Variants in REEP1 observed in about 807,000 individuals in gnomAD.
The protein encoded by REEP1 is receptor expression-enhancing protein 1.
In REEP1, 22 loss-of-function variants were observed where a neutral mutation model predicts 40.3. That is an observed-to-expected ratio of 0.55 (90% confidence interval 0.39 to 0.78). REEP1 has a LOEUF of 0.78. Ranked by LOEUF, REEP1 falls within the 30% of genes least tolerant of loss-of-function variation. The probability of loss-of-function intolerance (pLI) is 0.00; values close to 1 mark genes in which losing one functional copy is unlikely to be tolerated. For missense variants in REEP1, 280 were observed against 361.1 expected, an observed-to-expected ratio of 0.78 and a Z score of 1.82; for synonymous variants, 116 against 139.2, an observed-to-expected ratio of 0.83 and a Z score of 1.17.
At chr2:86,301,980 G>C (rs563186570) in intron 1 of REEP1, among the ~76,000 whole-genome samples, 1 of 152,342 alleles carries the variant, frequency 6.6e-6, no homozygotes, top group South Asian at 2.1e-4. Context: ...AGCAACAAAT[G>C]CTTCATCCAC....
intron 1 of REEP1, among the ~76,000 whole-genome samples, chr2:86,324,005 C>G (rs1680391804): frequency 1.3e-5 from 2 of 152,020 alleles, no homozygotes; most frequent in Non-Finnish European, 2.9e-5. Context: ...TGCTTCACAT[C>G]ATATATAAAA....
At chr2:86,308,664 G>A (rs1231901748) in intron 1 of REEP1, among the ~76,000 whole-genome samples, 2 of 152,226 alleles carry the variant, frequency 1.3e-5, no homozygotes, top group African/African-American at 4.8e-5. Context: ...CTGGTCTGAA[G>A]AGCTGGAGTG....
chr2:86,273,140 CAAAA>C (rs35100792), intron 2 of REEP1, among the ~76,000 whole-genome samples: 4 of 144,728 alleles, frequency 2.8e-5, no homozygotes, highest in Non-Finnish European at 6.0e-5. Context: ...GACCCTGTCT[CAAAA>C]AAAAAAAAAA....
intron 1 of REEP1, among the ~76,000 whole-genome samples, chr2:86,300,988 A>G (rs947000190): frequency 1.3e-5 from 2 of 152,226 alleles, no homozygotes; most frequent in Admixed American, 1.3e-4. Flanking sequence ...CCAAAAGGTG[A>G]GGATCCAATT....
chr2:86,268,260 A>G (rs1011379561), intron 2 of REEP1, among the ~76,000 whole-genome samples: 7 of 152,194 alleles, frequency 4.6e-5, no homozygotes, highest in African/African-American at 1.7e-4. Flanking sequence ...GAACTCACCA[A>G]AAAAATCCTC....
intron 1 of REEP1, among the ~76,000 whole-genome samples, chr2:86,316,956 T>G (rs368696749): frequency 6.6e-6 from 1 of 152,174 alleles, no homozygotes; most frequent in Non-Finnish European, 1.5e-5. Context: ...AGTAAAAAAT[T>G]CTGGATTCAA....
intron 5 of REEP1, chr2:86,240,056 G>GA (rs1215365624): frequency 2.0e-5 from 3 of 152,590 alleles, no homozygotes; most frequent in Non-Finnish European, 2.9e-5. Flanking sequence ...AAGATAAAAT[G>GA]AAAGAGTCGA....
rs891457337 is a variant in REEP1, at chr2:86,214,010, G to A, written c.*3029C>T. ...CAAAGATGTTTTTTAAAAGAAAAAT[G>A]TTAAGACTTTATTCAAGATGTGTAT... On this transcript the variant is annotated 3_prime_UTR_variant, in exon 9 of 9. Transcript: ENST00000538924. The A allele has an allele frequency of 2.8e-5, 7 of 252,968 alleles. No individual in the cohort carries two copies. The highest frequency in any genetic ancestry group is 5.4e-5 in the Non-Finnish European group (7 of 130,622). The allele number at this position is 252,968 out of a possible 1,614,324, so 15.7% of individuals were successfully genotyped here.
intron 2 of REEP1, among the ~76,000 whole-genome samples, 163 bp downstream of exon 2, chr2:86,282,007 A>G (rs369352138): frequency 2.6e-5 from 4 of 152,314 alleles, no homozygotes; most frequent in African/African-American, 7.2e-5. Flanking sequence ...GGGAAGGTCT[A>G]GACAGAAAAG....
At chr2:86,274,083 A>G (rs915497030) in intron 2 of REEP1, among the ~76,000 whole-genome samples, 3 of 152,246 alleles carry the variant, frequency 2.0e-5, no homozygotes, top group Non-Finnish European at 4.4e-5. Flanking sequence ...CTTTTTGAGA[A>G]GAAAAGACAG....
rs147172462 is a variant in REEP1 at position 86,303,872 on chromosome 2, G to A, written c.33-21630C>T. Among the ~76,000 whole-genome samples the A allele has an allele frequency of 5.7e-3, 869 of 152,254 alleles. 7 individuals carry two copies. The highest frequency in any genetic ancestry group is 9.3e-3 in the Non-Finnish European group (632 of 68,024). ...TGGCTCAGTGCAGCTGGGTCAGGCA[G>A]AAGCTAGGCTGAGGGGAGGAATCAC... On this transcript the variant is annotated intron_variant, in intron 1 of 8. Coordinates refer to ENST00000538924, the MANE Select transcript of REEP1 (RefSeq NM_001371279.1).
At chr2:86,312,126 C>A (rs1042739227) in intron 1 of REEP1, among the ~76,000 whole-genome samples, 2 of 152,140 alleles carry the variant, frequency 1.3e-5, no homozygotes, top group African/African-American at 2.4e-5. Context: ...TCCTGACAAA[C>A]CCTCACCAGC....
At chr2:86,282,070 G>C (rs776553338) in intron 2 of REEP1, 100 bp downstream of exon 2, 210 of 818,146 alleles carry the variant, frequency 2.6e-4, no homozygotes, top group Non-Finnish European at 4.2e-4. Flanking sequence ...CCTTTTCCCT[G>C]CTTCCAGTGC....
At chr2:86,248,688 A>C (rs1676101389) in intron 5 of REEP1, among the ~76,000 whole-genome samples, 1 of 152,072 alleles carries the variant, frequency 6.6e-6, no homozygotes, top group Non-Finnish European at 1.5e-5. Context: ...GAGCTCAAGC[A>C]GTTCTCCCAC....
chr2:86,317,446 C>T (rs1299144262), intron 1 of REEP1, among the ~76,000 whole-genome samples: 2 of 152,166 alleles, frequency 1.3e-5, no homozygotes, highest in Admixed American at 1.3e-4. Flanking sequence ...TCTCAAGAAC[C>T]TTTCAGGGGA....
At chr2:86,329,568 CA>C (rs1180670316) in intron 1 of REEP1, among the ~76,000 whole-genome samples, 1 of 152,164 alleles carries the variant, frequency 6.6e-6, no homozygotes, top group African/African-American at 2.4e-5. Context: ...GGTCCACAGA[CA>C]ATAATGAAAA....
chr2:86,337,665 C>T (rs1423904523), upstream of REEP1: 3 of 1,017,888 alleles, frequency 2.9e-6, no homozygotes, highest in African/African-American at 1.7e-5. This position sits in a 1 kb window ranked among gnomAD's most constrained non-coding sequence, Gnocchi z 5.8. Flanking sequence ...CGCGCGTTGG[C>T]GCAGCCGCGG....
chr2:86,223,723 C>T (rs1289688350), intron 7 of REEP1: 32 of 144,034 alleles, frequency 2.2e-4, no homozygotes, highest in Non-Finnish European at 4.8e-4. Context: ...AGAGGCCACA[C>T]TCAAAATGCA....
At chr2:86,281,882 A>C (rs1288794520) in intron 2 of REEP1, among the ~76,000 whole-genome samples, 1 of 152,212 alleles carries the variant, frequency 6.6e-6, no homozygotes, top group Non-Finnish European at 1.5e-5. Flanking sequence ...CAAGGCTGAG[A>C]GAGGTGAAGT....
Sources: gnomAD v4.1 joint callset for allele counts (sites outside exome capture counted in the v4.1 genomes callset) on GRCh38, gnomAD v4.1.1 for gene constraint, Gnocchi (gnomAD v3.1) non-coding constraint, MANE v1.5 for transcripts, NCBI Gene and HGNC (gene_info 2026-07-23, HGNC 2026-07-21) for gene names.